DAB1: variants seen among roughly 807,000 people sequenced by gnomAD.
The protein encoded by DAB1 is DAB adaptor protein 1.
A neutral mutation model predicts 64.6 loss-of-function variants in DAB1; 15 were observed. That is an observed-to-expected ratio of 0.23 (90% CI 0.16 to 0.36). DAB1 has a LOEUF of 0.36. DAB1 is among the 10% of genes least tolerant of loss of function. DAB1 has a pLI of 1.00. For missense variants in DAB1, 596 were observed against 706.7 expected (o/e 0.84, Z 1.78); for synonymous variants, 235 against 251.9 (o/e 0.93, Z 0.64).
intron 14 of DAB1, among the ~76,000 whole-genome samples, chr1:57,004,951 T>C (rs946625270): frequency 1.3e-5 from 2 of 152,182 alleles, no homozygotes; most frequent in Non-Finnish European, 2.9e-5. Context: ...ACATGAAGTA[T>C]CTTAAATGCT....
chr1:58,508,102 T>C (rs1160556222), intron 2 of DAB1, among the ~76,000 whole-genome samples: 1 of 152,146 alleles, frequency 6.6e-6, no homozygotes, highest in Non-Finnish European at 1.5e-5. Flanking sequence ...ATATTTGATA[T>C]GCAGAAATAG....
intron 5 of DAB1, among the ~76,000 whole-genome samples, chr1:58,019,163 T>G (rs1249978144): frequency 6.6e-6 from 1 of 152,210 alleles, no homozygotes; most frequent in Non-Finnish European, 1.5e-5. Context: ...CTAAAATGGT[T>G]CAGTTCATTC....
chr1:57,695,835 G>A (rs904734190), intron 6 of DAB1, among the ~76,000 whole-genome samples: 1 of 152,178 alleles, frequency 6.6e-6, no homozygotes, highest in Non-Finnish European at 1.5e-5. Context: ...AGGAGGTGGA[G>A]GTTGCAGTGA....
intron 9 of DAB1, among the ~76,000 whole-genome samples, chr1:57,052,360 C>A (rs548976850): frequency 1.3e-5 from 2 of 152,238 alleles, no homozygotes; most frequent in East Asian, 3.9e-4. Flanking sequence ...CAGGATATCT[C>A]CTTTTCAGGG....
At chr1:57,492,308 C>A (rs1436520403) in intron 7 of DAB1, among the ~76,000 whole-genome samples, 1 of 152,184 alleles carries the variant, frequency 6.6e-6, no homozygotes, top group Non-Finnish European at 1.5e-5. Context: ...AGCTGTGAAA[C>A]AAACTATCAC....
chr1:57,416,743 C>T (rs1684523696), intron 1 of DAB1, among the ~76,000 whole-genome samples: 2 of 152,010 alleles, frequency 1.3e-5, no homozygotes, highest in African/African-American at 4.8e-5. Context: ...CTTAATGAAC[C>T]ACAGCAGACT....
intron 4 of DAB1, among the ~76,000 whole-genome samples, chr1:58,335,631 T>C (rs1002275219): frequency 1.0e-4 from 15 of 150,642 alleles, no homozygotes; most frequent in Non-Finnish European, 1.9e-4. Flanking sequence ...AAGCTAGCCA[T>C]GCAAGGGATT....
intron 4 of DAB1, among the ~76,000 whole-genome samples, chr1:57,116,966 A>C (rs1401290179): frequency 6.6e-6 from 1 of 152,166 alleles, no homozygotes; most frequent in Non-Finnish European, 1.5e-5. Context: ...TCATCCCGGC[A>C]CTCTGCAAAC....
At chr1:57,128,439 A>G (rs776982447) in intron 4 of DAB1, among the ~76,000 whole-genome samples, 1 of 152,112 alleles carries the variant, frequency 6.6e-6, no homozygotes, top group Non-Finnish European at 1.5e-5. Flanking sequence ...TTATTTTTAC[A>G]AATAAAGTTT....
intron 7 of DAB1, among the ~76,000 whole-genome samples, chr1:57,635,401 T>TA (rs1646040012): frequency 6.6e-6 from 1 of 152,116 alleles, no homozygotes; most frequent in Non-Finnish European, 1.5e-5. Flanking sequence ...TCGCTTGCGT[T>TA]ACTGCCTGAG....
intron 7 of DAB1, among the ~76,000 whole-genome samples, chr1:57,533,995 C>T (rs376342098): frequency 6.6e-6 from 1 of 152,056 alleles, no homozygotes; most frequent in Non-Finnish European, 1.5e-5. Flanking sequence ...TGAAGAATAC[C>T]TCAGTTCTGA....
chr1:58,335,152 T>C (rs1213644), intron 4 of DAB1, among the ~76,000 whole-genome samples: 2,934 of 152,194 alleles, frequency 0.019, 119 homozygotes, highest in African/African-American at 0.067. Flanking sequence ...AAGACTTGAC[T>C]AAAATGAGGG....
At chr1:57,616,860 A>C (rs1645795856) in intron 7 of DAB1, among the ~76,000 whole-genome samples, 1 of 152,182 alleles carries the variant, frequency 6.6e-6, no homozygotes, top group Non-Finnish European at 1.5e-5. Context: ...CTGGGGAACA[A>C]GGCATCAACA....
intron 1 of DAB1, among the ~76,000 whole-genome samples, chr1:57,854,476 C>A (rs1184663906): frequency 6.6e-6 from 1 of 152,112 alleles, no homozygotes; most frequent in Non-Finnish European, 1.5e-5. Context: ...TTTGAATGAT[C>A]CTCCATTCTA....
intron 3 of DAB1, among the ~76,000 whole-genome samples, chr1:58,433,898 A>G (rs1644912730): frequency 6.6e-6 from 1 of 152,120 alleles, no homozygotes; most frequent in South Asian, 2.1e-4. Context: ...GCAGGGAGTT[A>G]ACCACATGAA....
At chr1:58,420,709 T>C (rs1644763522) in intron 3 of DAB1, among the ~76,000 whole-genome samples, 1 of 152,208 alleles carries the variant, frequency 6.6e-6, no homozygotes. Context: ...CTAGTTTGCA[T>C]GATCCAGGCT....
chr1:58,448,992 T>C (rs1175817594), intron 3 of DAB1, among the ~76,000 whole-genome samples: 1 of 151,760 alleles, frequency 6.6e-6, no homozygotes, highest in East Asian at 1.9e-4. Context: ...GTAGAAAAAA[T>C]GGAAATAGCG....
intron 2 of DAB1, among the ~76,000 whole-genome samples, chr1:57,223,608 A>G (rs1667045200): frequency 6.6e-6 from 1 of 152,202 alleles, no homozygotes; most frequent in Non-Finnish European, 1.5e-5. Flanking sequence ...AAACAAGGAT[A>G]TGATCCCTGG....
chr1:57,786,653 A>G (rs1014167478), intron 6 of DAB1, among the ~76,000 whole-genome samples: 8 of 152,188 alleles, frequency 5.3e-5, no homozygotes, highest in African/African-American at 1.7e-4. Context: ...CATTTAACAG[A>G]TGAAGACACT....
Sources: allele counts gnomAD v4.1 joint callset (sites outside exome capture counted in the v4.1 genomes callset), GRCh38; gene constraint gnomAD v4.1.1; transcripts MANE v1.5; gene names NCBI Gene and HGNC (gene_info 2026-07-23, HGNC 2026-07-21).